The following PHF14 variants were observed in gnomAD, a reference collection of about 807,000 sequenced individuals.
The protein encoded by PHF14 is PHD finger protein 14.
Under a neutral mutation model 117.9 loss-of-function variants are expected in PHF14, and 55 were observed. That is an observed-to-expected ratio of 0.47 (90% confidence interval 0.38 to 0.58). The LOEUF (loss-of-function observed/expected upper bound fraction) is 0.58, where lower values mean the gene tolerates loss of function less well. PHF14 is among the 20% of genes least tolerant of loss of function. The probability of loss-of-function intolerance (pLI) is 0.00; values close to 1 mark genes in which losing one functional copy is unlikely to be tolerated. For missense variants in PHF14, 978 were observed against 1,122.2 expected (o/e 0.87, Z 1.84); for synonymous variants, 409 against 368.6 (o/e 1.11, Z -1.26).
At chr7:11,010,692 A>G (rs1057513922) in intron 4 of PHF14, among the ~76,000 whole-genome samples, 1 of 151,982 alleles carries the variant, frequency 6.6e-6, no homozygotes, top group South Asian at 2.1e-4. Flanking sequence ...CTTTTTTGAG[A>G]CGAGATTTTG....
At chr7:11,021,707 A>G (rs1260167119) in intron 5 of PHF14, among the ~76,000 whole-genome samples, 3 of 152,172 alleles carry the variant, frequency 2.0e-5, no homozygotes, top group African/African-American at 7.2e-5. Flanking sequence ...GTGTATCTTT[A>G]TATTGAACTC....
chr7:11,130,367 A>G lies in PHF14; in HGVS notation c.2772+18900A>G, dbSNP rs539793189. Among the ~76,000 whole-genome samples, 1 of 152,120 alleles carries G rather than the reference A, an allele frequency of 6.6e-6. No individual in the cohort carries two copies. Among genetic ancestry groups the G allele is most frequent in the East Asian group, 1.9e-4 (1 of 5,176 alleles). On this transcript the variant is annotated intron_variant, in intron 17 of 17. Coordinates refer to ENST00000634607, the MANE Select transcript of PHF14 (RefSeq NM_001007157.2). The surrounding 1 kb of genome is among the most constrained non-coding windows in gnomAD (Gnocchi z 4.2). Reference sequence around the variant, plus strand: ...GATTCAAGGAAATCCTTGGAGAGAGAGAGAACGTATATACAATTTATATGG... The same window carrying G: ...GATTCAAGGAAATCCTTGGAGAGAGGGAGAACGTATATACAATTTATATGG...
At chr7:11,094,923 C>T (rs1554271508) in intron 16 of PHF14, among the ~76,000 whole-genome samples, 1 of 151,338 alleles carries the variant, frequency 6.6e-6, no homozygotes, top group Non-Finnish European at 1.5e-5. Flanking sequence ...TGTAGTTTAT[C>T]TTTTTTTTTC....
At chr7:11,081,949 G>A (rs1275154783) in intron 16 of PHF14, among the ~76,000 whole-genome samples, 2 of 152,042 alleles carry the variant, frequency 1.3e-5, no homozygotes, top group Non-Finnish European at 2.9e-5. Flanking sequence ...TTTTGATAGT[G>A]AAAGTATCTT....
intron 17 of PHF14, among the ~76,000 whole-genome samples, chr7:11,158,741 C>T (rs1005406688): frequency 6.6e-6 from 1 of 151,936 alleles, no homozygotes; most frequent in Admixed American, 6.6e-5. Flanking sequence ...CTTGATGTCT[C>T]TAAGGAGAAA....
At chr7:11,162,119 T>G (rs1340961037) in intron 17 of PHF14, among the ~76,000 whole-genome samples, 6 of 129,400 alleles carry the variant, frequency 4.6e-5, no homozygotes, top group African/African-American at 1.4e-4. Context: ...GACAGAGCCT[T>G]GCTCTGTCTC....
chr7:11,030,257 G>T (rs534718648), intron 7 of PHF14, among the ~76,000 whole-genome samples: 135 of 152,064 alleles, frequency 8.9e-4, no homozygotes, highest in African/African-American at 3.0e-3. Flanking sequence ...GGCAATACAG[G>T]TAAGAGTTAG....
chr7:11,116,970 C>T (rs1787617600), intron 17 of PHF14, among the ~76,000 whole-genome samples: 1 of 151,872 alleles, frequency 6.6e-6, no homozygotes, highest in Non-Finnish European at 1.5e-5. Context: ...AAAAGTAGGA[C>T]ATAGCTCATG....
At chr7:11,003,811 T>C (rs1782968229) in intron 4 of PHF14, among the ~76,000 whole-genome samples, 2 of 152,212 alleles carry the variant, frequency 1.3e-5, no homozygotes, top group South Asian at 4.1e-4. Context: ...CAACTCTACT[T>C]CTCTTTGCAT....
At chr7:10,998,731 T>G (rs78385112) in intron 4 of PHF14, among the ~76,000 whole-genome samples, 2,622 of 152,296 alleles carry the variant, frequency 0.017, 67 homozygotes, top group African/African-American at 0.06. Flanking sequence ...TTACTGCTGC[T>G]TATATCCATG....
At chr7:11,001,608 T>TTTTGTTAGATTTAGATCTAAG (rs145893746) in intron 4 of PHF14, among the ~76,000 whole-genome samples, 1 of 151,808 alleles carries the variant, frequency 6.6e-6, no homozygotes, top group African/African-American at 2.4e-5. Flanking sequence ...CTTGGCAATA[T>TTTTGTTAGATTTAGATCTAAG]TATTTTATTT....
chr7:11,145,700 G>A (rs1788530994), intron 17 of PHF14, among the ~76,000 whole-genome samples: 1 of 151,914 alleles, frequency 6.6e-6, no homozygotes. Context: ...TGCTTTGTTT[G>A]TACCACAAGG....
At chr7:10,995,720 G>A (rs1277986971) in intron 4 of PHF14, among the ~76,000 whole-genome samples, 7 of 152,214 alleles carry the variant, frequency 4.6e-5, no homozygotes, top group South Asian at 2.1e-4. Flanking sequence ...GAGGCCCGGC[G>A]AGAATTTGAG....
rs368647078 is a variant in PHF14, at chr7:11,148,868, A to G, written c.2773-20548A>G. ...CAACTTTGAACCACAATTTTTGGAA[A>G]TATATTTTAAACTTTATAATAACTG... On this transcript the variant is annotated intron_variant, in intron 17 of 17. Transcript: ENST00000634607. 2.2e-4 allele frequency among the ~76,000 whole-genome samples: 33 copies of G among 152,362 alleles called. No homozygotes were observed. In the East Asian group the frequency reaches 3.1e-3, roughly 14 times the overall value.
intron 16 of PHF14, chr7:11,102,773 T>G: frequency 7.3e-7 from 1 of 1,374,982 alleles, no homozygotes. Context: ...TTTGCTTTTT[T>G]TGCACTTATC....
Position 11,042,733 on chromosome 7 carries a change from A to G in PHF14, c.2231A>G (p.Asp744Gly). ...GATCAGCATCTTCTTTTATTGTGTG[A>G]TACCTGTAAACTACATTACCATCTT... Reference protein sequence around the residue: ...NHDQHLLLLCDTCKLHYHLGC... With the variant: ...NHDQHLLLLCGTCKLHYHLGC... The change falls in exon 13 of 18, where the codon GAT becomes GGT. Residue 744 changes from aspartate to glycine, a missense_variant. Asp to Gly is a moderately conservative substitution (Grantham distance 94, BLOSUM62 -1). This residue lies in a region of PHF14 where 17 missense variants were observed against 52.9 expected (regional missense o/e 0.32). Coordinates refer to ENST00000634607, the MANE Select transcript of PHF14 (RefSeq NM_001007157.2). 1 of 1,594,720 alleles carries G rather than the reference A, an allele frequency of 6.3e-7. No individual in the cohort carries two copies. The highest frequency in any genetic ancestry group is 1.3e-5 in the African/African-American group (1 of 74,564).
At chr7:10,996,459 G>C (rs1359733040) in intron 4 of PHF14, among the ~76,000 whole-genome samples, 2 of 151,844 alleles carry the variant, frequency 1.3e-5, no homozygotes, top group Non-Finnish European at 2.9e-5. Flanking sequence ...AGGACCATGG[G>C]TGATGACCCA....
intron 14 of PHF14, among the ~76,000 whole-genome samples, chr7:11,060,476 A>G (rs1785184120): frequency 6.6e-6 from 1 of 152,136 alleles, no homozygotes. Flanking sequence ...AAGTGTTGTT[A>G]AGGACCTTTC....
chr7:11,129,902 A>G (rs1224351303), intron 17 of PHF14, among the ~76,000 whole-genome samples: 1 of 152,178 alleles, frequency 6.6e-6, no homozygotes, highest in Admixed American at 6.6e-5. Context: ...TTTCAGCACC[A>G]AGCAAAAAGA....
Sources: gnomAD v4.1 joint callset for allele counts (sites outside exome capture counted in the v4.1 genomes callset) on GRCh38, gnomAD v4.1.1 for gene constraint, gnomAD v4.1.1 regional missense constraint, Gnocchi (gnomAD v3.1) non-coding constraint, MANE v1.5 for transcripts, NCBI Gene and HGNC (gene_info 2026-07-23, HGNC 2026-07-21) for gene names.